The following FGF1 variants were observed in gnomAD, a reference collection of about 807,000 sequenced individuals.
The protein encoded by FGF1 is beta-endothelial cell growth factor.
A neutral mutation model predicts 13.4 loss-of-function variants in FGF1; 9 were observed. The observed-to-expected ratio is 0.67, with a 90% CI of 0.40 to 1.17. The LOEUF (loss-of-function observed/expected upper bound fraction) is 1.17. Ranked by LOEUF, FGF1 falls within the 50% of genes most tolerant of loss-of-function variation. The probability of loss-of-function intolerance (pLI) is 0.01; values close to 1 mark genes in which losing one functional copy is unlikely to be tolerated. For missense variants in FGF1, 156 were observed against 192.7 expected, an observed-to-expected ratio of 0.81 and a Z score of 1.13; for synonymous variants, 93 against 79.0, an observed-to-expected ratio of 1.18 and a Z score of -0.94.
intron 1 of FGF1, among the ~76,000 whole-genome samples, chr5:142,684,578 G>A (rs999869077): frequency 6.6e-6 from 1 of 152,116 alleles, no homozygotes; most frequent in Admixed American, 6.5e-5. Flanking sequence ...TCTCAAGAGG[G>A]GACTTTCCTC....
chr5:142,611,279 T>C (rs1758982984), intron 2 of FGF1, among the ~76,000 whole-genome samples: 1 of 151,948 alleles, frequency 6.6e-6, no homozygotes, highest in South Asian at 2.1e-4. Context: ...ATTCAGGGAG[T>C]ACATCCGTGC....
At chr5:142,684,038 A>G (rs1209010596) in intron 1 of FGF1, among the ~76,000 whole-genome samples, 2 of 152,180 alleles carry the variant, frequency 1.3e-5, no homozygotes, top group African/African-American at 2.4e-5. Flanking sequence ...TAATAAAAAG[A>G]AAGTGCTTTT....
At chr5:142,694,573 T>C (rs931258828) in intron 2 of FGF1, among the ~76,000 whole-genome samples, 1 of 152,292 alleles carries the variant, frequency 6.6e-6, no homozygotes, top group South Asian at 2.1e-4. Flanking sequence ...TGGTGTTCTT[T>C]GAGATCAGAA....
chr5:142,619,020 C>T (rs1026207049), intron 1 of FGF1, among the ~76,000 whole-genome samples: 1 of 148,850 alleles, frequency 6.7e-6, no homozygotes, highest in Non-Finnish European at 1.5e-5. Context: ...CTGCAAGCTC[C>T]GCCTCCCAGG....
chr5:142,600,146 GA>G (rs1402561654), intron 3 of FGF1, among the ~76,000 whole-genome samples: 1 of 152,164 alleles, frequency 6.6e-6, no homozygotes, highest in Non-Finnish European at 1.5e-5. Flanking sequence ...GAGGCCGCTC[GA>G]GCCCAGGAGT....
chr5:142,660,250 C>A (rs968850476), intron 1 of FGF1, among the ~76,000 whole-genome samples: 2 of 152,240 alleles, frequency 1.3e-5, no homozygotes, highest in Non-Finnish European at 2.9e-5. Flanking sequence ...GCCCTCCCTG[C>A]GGCATGGTTT....
At position 142,618,921 on chromosome 5, in the gene FGF1, G is replaced by GTTTTTTTTTTTTTTT. The variant is rs1343286807; in HGVS notation, c.-34-4761_-34-4760insAAAAAAAAAAAAAAA. 6.5e-5 allele frequency among the ~76,000 whole-genome samples: 7 copies of GTTTTTTTTTTTTTTT among 108,372 alleles called. 2 individuals carry two copies. Among genetic ancestry groups the GTTTTTTTTTTTTTTT allele is most frequent in the East Asian group, 7.5e-4 (2 of 2,662 alleles). 71.1% of individuals were successfully genotyped at this position (108,372 alleles called of 152,430 possible). On this transcript the variant is annotated intron_variant, in intron 1 of 3. Coordinates refer to ENST00000337706, the MANE Select transcript of FGF1 (RefSeq NM_000800.5). ...GGCAAACACTGACATTTATTTTTTAGTTGTTTTGTTTTTTTTTTTTTTTTT... is the reference window on the plus strand; with the variant it reads ...GGCAAACACTGACATTTATTTTTTAGTTTTTTTTTTTTTTTTTGTTTTGTTTTTTTTTTTTTTTTT...
intron 1 of FGF1, among the ~76,000 whole-genome samples, chr5:142,653,984 C>G (rs1209360038): frequency 6.6e-6 from 1 of 152,142 alleles, no homozygotes; most frequent in Non-Finnish European, 1.5e-5. Context: ...CCCGGCTACT[C>G]GGGAGGCTGA....
In FGF1 at chr5:142,592,828, C is replaced by A; in HGVS notation, c.*2462G>T. The A allele has an allele frequency of 5.9e-6, 1 of 168,636 alleles. No homozygotes were observed. Among genetic ancestry groups the A allele is most frequent in the Admixed American group, 6.4e-5 (1 of 15,722 alleles). The allele number at this position is 168,636 out of a possible 1,614,324, so 10.4% of individuals were successfully genotyped here. A position where few individuals can be genotyped will look rare whatever the true frequency, so the allele number is the denominator to read the frequency against. ...CTGGGGTTGCTGATTCTTCCAAAAT[C>A]TGGGTTTCTGGGATTTGCTTTATTC... On this transcript the variant is annotated 3_prime_UTR_variant, in exon 4 of 4. Coordinates refer to ENST00000337706, the MANE Select transcript of FGF1 (RefSeq NM_000800.5).
chr5:142,681,556 C>T (rs965093926), intron 1 of FGF1, among the ~76,000 whole-genome samples: 1 of 152,198 alleles, frequency 6.6e-6, no homozygotes, highest in African/African-American at 2.4e-5. Context: ...AAGGTCCTGC[C>T]ATCTCTTAGC....
At chr5:142,615,565 A>C (rs1760067524) in intron 1 of FGF1, among the ~76,000 whole-genome samples, 1 of 152,226 alleles carries the variant, frequency 6.6e-6, no homozygotes, top group African/African-American at 2.4e-5. Context: ...TGTGATCATC[A>C]ATACATATTG....
chr5:142,645,514 AG>A (rs1437304853), intron 1 of FGF1, among the ~76,000 whole-genome samples: 1 of 152,190 alleles, frequency 6.6e-6, no homozygotes, highest in Non-Finnish European at 1.5e-5. Context: ...TGTGACTCCA[AG>A]CAAGCCCTCT....
At chr5:142,639,167 G>A (rs1363849735) in intron 1 of FGF1, among the ~76,000 whole-genome samples, 1 of 151,928 alleles carries the variant, frequency 6.6e-6, no homozygotes, top group African/African-American at 2.4e-5. Context: ...TCCTACTATT[G>A]GGTATATATT....
At chr5:142,598,863 C>A (rs552356528) in intron 3 of FGF1, among the ~76,000 whole-genome samples, 1 of 152,150 alleles carries the variant, frequency 6.6e-6, no homozygotes, top group Non-Finnish European at 1.5e-5. Flanking sequence ...GGAGTTCTCC[C>A]TCAATATTTT....
chr5:142,608,558 A>ACACATC (rs1278387654), intron 2 of FGF1, among the ~76,000 whole-genome samples: 3 of 85,776 alleles, frequency 3.5e-5, no homozygotes, highest in African/African-American at 2.0e-4. Context: ...ATATATATAT[A>ACACATC]TATATATATA....
intron 2 of FGF1, among the ~76,000 whole-genome samples, chr5:142,603,455 C>A (rs1236519260): frequency 1.3e-5 from 2 of 152,086 alleles, no homozygotes; most frequent in African/African-American, 4.8e-5. Context: ...GCACTTAGTA[C>A]AACATGCAAT....
intron 1 of FGF1, among the ~76,000 whole-genome samples, chr5:142,637,456 A>G (rs1455928383): frequency 1.3e-5 from 2 of 151,618 alleles, no homozygotes; most frequent in Non-Finnish European, 2.9e-5. Context: ...AGTAGCTGGG[A>G]CTACAGGTGC....
intron 1 of FGF1, among the ~76,000 whole-genome samples, chr5:142,656,239 G>A (rs1296486664): frequency 2.0e-5 from 3 of 150,174 alleles, no homozygotes; most frequent in African/African-American, 7.5e-5. Context: ...TGGTTAAACC[G>A]AGAAGAGCAG....
intron 1 of FGF1, among the ~76,000 whole-genome samples, chr5:142,632,935 T>G (rs1362434235): frequency 6.6e-6 from 1 of 151,990 alleles, no homozygotes; most frequent in Non-Finnish European, 1.5e-5. Flanking sequence ...TTTTTTTTTT[T>G]TTTTAGACGG....
Sources: gnomAD v4.1 joint callset for allele counts (sites outside exome capture counted in the v4.1 genomes callset) on GRCh38, gnomAD v4.1.1 for gene constraint, MANE v1.5 for transcripts, NCBI Gene and HGNC (gene_info 2026-07-23, HGNC 2026-07-21) for gene names.